The following TNXB variants were observed in gnomAD, a reference collection of about 807,000 sequenced individuals.
TNXB encodes the protein tenascin XB.
A neutral mutation model predicts 340.5 loss-of-function variants in TNXB; 183 were observed. That is an observed-to-expected ratio of 0.54 (90% confidence interval 0.48 to 0.61). The LOEUF is 0.61. Ranked by LOEUF, TNXB falls within the 20% of genes least tolerant of loss-of-function variation. The pLI is 0.00. For missense variants in TNXB, 4,613 were observed against 5,446.4 expected (o/e 0.85, Z 4.82); for synonymous variants, 2,121 against 2,314.5 (o/e 0.92, Z 2.40).
Position 32,043,910 on chromosome 6 carries a change from C to G in TNXB, c.11387-18G>C. Reference sequence around the variant, plus strand: ...AGGCTCCCCTGAAAACATTGGGGATCGAGGGTTACCCAGGGAACCCCAGGG... The same window carrying G: ...AGGCTCCCCTGAAAACATTGGGGATGGAGGGTTACCCAGGGAACCCCAGGG... On this transcript the variant is annotated intron_variant, in intron 34 of 43. Coordinates refer to ENST00000644971, the MANE Select transcript of TNXB (RefSeq NM_001365276.2). 4 of 1,613,328 alleles carry G rather than the reference C, an allele frequency of 2.5e-6. No homozygotes were observed. Among genetic ancestry groups the G allele is most frequent in the Admixed American group, 1.7e-5 (1 of 60,010 alleles).
At chr6:32,042,901 CCT>C (rs1562771840) in intron 38 of TNXB, 48 bp downstream of exon 38, 2 of 399,248 alleles carry the variant, frequency 5.0e-6, no homozygotes, top group Non-Finnish European at 8.5e-6. Flanking sequence ...AGAGGCAGCA[CCT>C]CCTGGAATCA....
Position 32,086,060 on chromosome 6 carries a change from C to G in TNXB, c.2838G>C (p.Ser946=). ...TTDEPPPSGP[S]TTQGAQAPLL... Reference sequence around the variant, plus strand: ...GAGGAGCCTGGGCCCCTTGCGTCGTCGAGGGGCCTGAGGGAGGAGGCTCAT... The same window carrying G: ...GAGGAGCCTGGGCCCCTTGCGTCGTGGAGGGGCCTGAGGGAGGAGGCTCAT... The change falls in exon 7 of 44, where the codon TCG becomes TCC. Residue 946 remains serine, a synonymous_variant. Coordinates refer to ENST00000644971, the MANE Select transcript of TNXB (RefSeq NM_001365276.2). 6.3e-7 allele frequency: 1 copy of G among 1,591,856 alleles called. No homozygotes were observed. The highest frequency in any genetic ancestry group is 8.5e-7 in the Non-Finnish European group (1 of 1,170,606).
At position 32,108,603 on chromosome 6, in the gene TNXB, A is replaced by T. The variant is rs1252810912; in HGVS notation, c.-9+578T>A. ...TGACTGTCCCATTTCAGTATTTCCT[A>T]AAGAGATCTCCCAGACCTCCCTCCC... On this transcript the variant is annotated intron_variant, in intron 1 of 43. Coordinates refer to ENST00000644971, the MANE Select transcript of TNXB (RefSeq NM_001365276.2). This position sits in a 1 kb window ranked among gnomAD's most constrained non-coding sequence, Gnocchi z 4.8. 6.6e-6 allele frequency among the ~76,000 whole-genome samples: 1 copy of T among 151,996 alleles called. No individual in the cohort carries two copies. Among genetic ancestry groups the T allele is most frequent in the East Asian group, 1.9e-4 (1 of 5,186 alleles).
intron 4 of TNXB, among the ~76,000 whole-genome samples, chr6:32,092,815 C>A (rs1780140905): frequency 6.6e-6 from 1 of 152,204 alleles, no homozygotes; most frequent in Non-Finnish European, 1.5e-5. Flanking sequence ...GTAGCCCAGG[C>A]CCAAGAGGAG....
chr6:32,097,764 C>T lies in TNXB; in HGVS notation c.403+32G>A, dbSNP rs2127293947. ...ACTAGCAATGCCCACCCCACCCCAC[C>T]TCTCCACCCTCTTCTGTGATCACCT... On this transcript the variant is annotated intron_variant, in intron 2 of 43. Coordinates refer to ENST00000644971, the MANE Select transcript of TNXB (RefSeq NM_001365276.2). The surrounding 1 kb of genome is among the most constrained non-coding windows in gnomAD (Gnocchi z 5.9). 4 of 1,495,066 alleles carry T rather than the reference C, an allele frequency of 2.7e-6. No individual in the cohort carries two copies. The Middle Eastern group carries it at 5.4e-4, about 202-fold the overall frequency. 92.6% of individuals were successfully genotyped at this position (1,495,066 alleles called of 1,614,324 possible).
rs1582407703 is a variant in TNXB at position 32,069,115 on chromosome 6, G to T, written c.5609C>A (p.Thr1870Asn). 2 of 1,609,274 alleles carry T rather than the reference G, an allele frequency of 1.2e-6. No individual in the cohort carries two copies. The highest frequency in any genetic ancestry group is 4.5e-5 in the East Asian group (2 of 44,858). Residue 1870 changes from threonine to asparagine, a missense_variant, in exon 16 of 44, where the codon ACT becomes AAT. Transcript: ENST00000644971. This position sits in a 1 kb window ranked among gnomAD's most constrained non-coding sequence, Gnocchi z 6.2. The stretch of plus-strand genomic sequence containing the variant: ...TGGAGGGGTCGGGGCCGTGGTCTCA[G>T]TTTCCGTTTCTTCCCTGCCGGCTGG... ...AITAGREETE[T>N]ETTAPTPPAP...
chr6:32,085,971 C>A lies in TNXB; in HGVS notation c.2927G>T (p.Arg976Leu), dbSNP rs200771983. The part of the protein sequence containing the change: ...LRVLGRDETG[R>L]LRVVWTAQPD... ...CTGGGCGGTCCAGACCACACGGAGGCGCCCTGTCTCATCTCTGCCCAGCAC... is the reference window on the plus strand; with the variant it reads ...CTGGGCGGTCCAGACCACACGGAGGAGCCCTGTCTCATCTCTGCCCAGCAC... Residue 976 changes from arginine to leucine, a missense_variant, in exon 7 of 44, where the codon CGC (arginine) becomes CTC (leucine). By Grantham distance (102) the Arg-to-Leu change is moderately radical. Around this residue, in one of 7 missense-constraint regions of TNXB, gnomAD observed 4,327 missense variants for 4,859.4 expected, o/e 0.89. Coordinates refer to ENST00000644971, the MANE Select transcript of TNXB (RefSeq NM_001365276.2). The surrounding 1 kb of genome is among the most constrained non-coding windows in gnomAD (Gnocchi z 6.4). 1 of 1,608,020 alleles carries A rather than the reference C, an allele frequency of 6.2e-7. No homozygotes were observed. The highest frequency in any genetic ancestry group is 1.7e-5 in the Admixed American group (1 of 60,024).
In TNXB at chr6:32,074,007, A is replaced by T. The variant is rs1034405338; in HGVS notation, c.4376-55T>A. The T allele has an allele frequency of 1.9e-5, 27 of 1,385,434 alleles. No individual in the cohort carries two copies. The highest frequency in any genetic ancestry group is 2.6e-5 in the Non-Finnish European group (27 of 1,033,262). The allele number at this position is 1,385,434 out of a possible 1,614,324, so 85.8% of individuals were successfully genotyped here. Reference sequence around the variant, plus strand: ...TAAAGAATCCCCCTTTTCTTATAGTAATGATGTCTAGTTATTTATTTTTTA... The same window carrying T: ...TAAAGAATCCCCCTTTTCTTATAGTTATGATGTCTAGTTATTTATTTTTTA... On this transcript the variant is annotated intron_variant, in intron 11 of 43. Transcript: ENST00000644971. This position sits in a 1 kb window ranked among gnomAD's most constrained non-coding sequence, Gnocchi z 5.5.
In TNXB at chr6:32,056,566, G is replaced by A; in HGVS notation, c.8143+20C>T. 2.5e-6 allele frequency: 4 copies of A among 1,611,538 alleles called. No individual in the cohort carries two copies. Among genetic ancestry groups the A allele is most frequent in the Non-Finnish European group, 3.4e-6 (4 of 1,178,972 alleles). ...GACCCTCCCACGGCTCCCACCCTGG[G>A]GCTGCCATCATCCACTCACCCGTCA... On this transcript the variant is annotated intron_variant, in intron 23 of 43. Transcript: ENST00000644971.
intron 24 of TNXB, among the ~76,000 whole-genome samples, chr6:32,055,509 C>A (rs1189324214): frequency 6.6e-6 from 1 of 152,178 alleles, no homozygotes; most frequent in Non-Finnish European, 1.5e-5. Context: ...TCCTTCACGG[C>A]CCCTAGTCAA....
chr6:32,080,367 T>C lies in TNXB; in HGVS notation c.4042+1001A>G, dbSNP rs537447673. The stretch of plus-strand genomic sequence containing the variant: ...CTGGGACTACAGGCACCTGCCACCA[T>C]GCCTGGCTAATTTTTTGTATTTTTA... On this transcript the variant is annotated intron_variant, in intron 10 of 43. Transcript: ENST00000644971. The surrounding 1 kb of genome is among the most constrained non-coding windows in gnomAD (Gnocchi z 4.3). Among the ~76,000 whole-genome samples, 15 of 152,282 alleles carry C rather than the reference T, an allele frequency of 9.9e-5. No individual in the cohort carries two copies. The highest frequency in any genetic ancestry group is 3.4e-4 in the African/African-American group (14 of 41,552).
chr6:32,052,428 G>C lies in TNXB; in HGVS notation c.9115+242C>G, dbSNP rs946827830. Reference sequence around the variant, plus strand: ...ATTGAGCCACTGTACTCCAGCCTGGGTGACAAAGCGAGACTCTATCTCAAA... The same window carrying C: ...ATTGAGCCACTGTACTCCAGCCTGGCTGACAAAGCGAGACTCTATCTCAAA... On this transcript the variant is annotated intron_variant, in intron 26 of 43. Coordinates refer to ENST00000644971, the MANE Select transcript of TNXB (RefSeq NM_001365276.2). The surrounding 1 kb of genome is among the most constrained non-coding windows in gnomAD (Gnocchi z 4.7). Among the ~76,000 whole-genome samples the C allele has an allele frequency of 6.6e-6, 1 of 151,376 alleles. No homozygotes were observed. Among genetic ancestry groups the C allele is most frequent in the Non-Finnish European group, 1.5e-5 (1 of 67,898 alleles).
rs986901490 is a variant in TNXB, at chr6:32,049,799, A to G, written c.9439+199T>C. Among the ~76,000 whole-genome samples, 5 of 152,142 alleles carry G rather than the reference A, an allele frequency of 3.3e-5. No individual in the cohort carries two copies. The highest frequency in any genetic ancestry group is 1.9e-4 in the East Asian group (1 of 5,180). On this transcript the variant is annotated intron_variant, in intron 27 of 43. Transcript: ENST00000644971. The surrounding 1 kb of genome is among the most constrained non-coding windows in gnomAD (Gnocchi z 4.5). ...ACCTGGCACAGCCACCAGCACAGCA[A>G]AACTCCTGATGGCCCCTCCCTGCTC...
chr6:32,081,568 C>T lies in TNXB; in HGVS notation c.3842G>A (p.Trp1281Ter), dbSNP rs752960555. The T allele has an allele frequency of 1.2e-6, 2 of 1,603,452 alleles. No individual in the cohort carries two copies. The highest frequency in any genetic ancestry group is 1.3e-5 in the African/African-American group (1 of 74,936). Residue 1281 changes from tryptophan (W) to a stop codon, truncating the protein, a stop_gained, in exon 10 of 44, where the codon TGG (tryptophan) becomes TAG (stop). Transcript: ENST00000644971. LOFTEE classifies it high-confidence loss of function. This position sits in a 1 kb window ranked among gnomAD's most constrained non-coding sequence, Gnocchi z 5.1. ...GVTPDSLRLS[W>*]TVAQGPFDSF... Reference sequence around the variant, plus strand: ...GTCGAAGGGGCCCTGGGCCACTGTCCATGAGAGACGCAAGGAGTCTGGGGT... The same window carrying T: ...GTCGAAGGGGCCCTGGGCCACTGTCTATGAGAGACGCAAGGAGTCTGGGGT...
Position 32,050,042 on chromosome 6 carries a change from T to G in TNXB, c.9395A>C (p.His3132Pro). 1 of 1,613,822 alleles carries G rather than the reference T, an allele frequency of 6.2e-7. No homozygotes were observed. Among genetic ancestry groups the G allele is most frequent in the Non-Finnish European group, 8.5e-7 (1 of 1,179,882 alleles). Residue 3132 changes from histidine to proline, a missense_variant, in exon 27 of 44, where the codon CAC (histidine) becomes CCC (proline). By Grantham distance (77) the His-to-Pro change is moderately conservative. Transcript: ENST00000644971. ...HKYKMNLYGF[H>P]GGQRVGPVSA... ...CACAGGGCCTACGCGCTGGCCACCG[T>G]GGAAGCCGTACAGGTTCATCTTGTA...
At chr6:32,057,905 C>A (rs1777766131) in intron 22 of TNXB, among the ~76,000 whole-genome samples, 153 bp downstream of exon 22, 1 of 152,190 alleles carries the variant, frequency 6.6e-6, no homozygotes, top group African/African-American at 2.4e-5. Context: ...TGCTGGATTG[C>A]AGCCTGTCTC....
At position 32,055,976 on chromosome 6, in the gene TNXB, C is replaced by T. The variant is rs780530688; in HGVS notation, c.8342G>A (p.Arg2781His). 34 of 1,613,356 alleles carry T rather than the reference C, an allele frequency of 2.1e-5. No homozygotes were observed. The highest frequency in any genetic ancestry group is 3.3e-5 in the South Asian group (3 of 91,090). Residue 2781 changes from arginine (R) to histidine (H), a missense_variant, in exon 24 of 44, where the codon CGT (arginine) becomes CAT (histidine). By Grantham distance (29) the Arg-to-His change is conservative. Around this residue, in one of 7 missense-constraint regions of TNXB, gnomAD observed 4,327 missense variants for 4,859.4 expected, o/e 0.89. Coordinates refer to ENST00000644971, the MANE Select transcript of TNXB (RefSeq NM_001365276.2). ...GACCTCGCTCTCCTCGCCCCTGACA[C>T]GCATCACCTGGGGCCGCCCGTCCCT... ...KDRDGRPQVM[R>H]VRGEESEVTV...
In TNXB at chr6:32,058,358, G is replaced by A. The variant is rs999995239; in HGVS notation, c.7525C>T (p.Pro2509Ser). 3.1e-6 allele frequency: 5 copies of A among 1,609,548 alleles called. No homozygotes were observed. The highest frequency in any genetic ancestry group is 4.2e-6 in the Non-Finnish European group (5 of 1,178,428). ...GGGGCCTCTGTGCCTGGTTCTGTAGGGCTGGGGGTCTCGTCCACATCCTCT... is the reference window on the plus strand; with the variant it reads ...GGGGCCTCTGTGCCTGGTTCTGTAGAGCTGGGGGTCTCGTCCACATCCTCT... Reference protein sequence around the residue: ...PQEDVDETPSPTEPGTEAPGP... With the variant: ...PQEDVDETPSSTEPGTEAPGP... The change falls in exon 22 of 44, where the codon CCT (proline) becomes TCT (serine). Residue 2509 changes from proline to serine, a missense_variant. Physicochemically the swap from Pro to Ser is moderately conservative, Grantham distance 74 (BLOSUM62 -1). Transcript: ENST00000644971. This position sits in a 1 kb window ranked among gnomAD's most constrained non-coding sequence, Gnocchi z 5.1.
rs1778711854 is a variant in TNXB, at chr6:32,070,517, C to T, written c.4991-103G>A. 1.6e-6 allele frequency: 2 copies of T among 1,253,340 alleles called. No homozygotes were observed. The highest frequency in any genetic ancestry group is 2.2e-6 in the Non-Finnish European group (2 of 926,244). The allele number at this position is 1,253,340 out of a possible 1,614,324, so 77.6% of individuals were successfully genotyped here. A position where few individuals can be genotyped will look rare whatever the true frequency, so the allele number is the denominator to read the frequency against. On this transcript the variant is annotated intron_variant, in intron 13 of 43. Transcript: ENST00000644971. This position sits in a 1 kb window ranked among gnomAD's most constrained non-coding sequence, Gnocchi z 6.0. ...AGAACTGCCCAAATGCTCAGTGCTT[C>T]CCCAAAATATTTCCATCACCTCCCA...
Sources: allele counts gnomAD v4.1 joint callset (sites outside exome capture counted in the v4.1 genomes callset), GRCh38; gene constraint gnomAD v4.1.1; regional missense constraint gnomAD v4.1.1; non-coding constraint Gnocchi (gnomAD v3.1); transcripts MANE v1.5; gene names NCBI Gene and HGNC (gene_info 2026-07-23, HGNC 2026-07-21).